Variants in CLIC5 observed in about 807,000 individuals in gnomAD.
The protein encoded by CLIC5 is chloride intracellular channel protein 5.
A neutral mutation model predicts 24.7 loss-of-function variants in CLIC5; 20 were observed. That is an observed-to-expected ratio of 0.81 (90% CI 0.57 to 1.18). CLIC5 has a LOEUF of 1.18. CLIC5 is among the 50% of genes most tolerant of loss of function. CLIC5 has a pLI of 0.00. For synonymous variants in CLIC5, 159 were observed against 135.6 expected, an observed-to-expected ratio of 1.17 and a Z score of -1.20; for missense variants, 341 against 326.1, an observed-to-expected ratio of 1.05 and a Z score of -0.35.
At chr6:46,066,686 G>C (rs1263829762) in intron 1 of CLIC5, among the ~76,000 whole-genome samples, 5 of 152,174 alleles carry the variant, frequency 3.3e-5, no homozygotes, top group African/African-American at 4.8e-5. Context: ...TCTTGTAATA[G>C]ACTGGGGGAG....
chr6:45,893,134 C>T (rs1471931951), intron 6 of CLIC5, among the ~76,000 whole-genome samples: 1 of 151,766 alleles, frequency 6.6e-6, no homozygotes, highest in Non-Finnish European at 1.5e-5. Context: ...GCGAGAGTCT[C>T]ATGCTTTTTC....
chr6:46,020,508 T>C (rs1404104519), upstream of CLIC5, among the ~76,000 whole-genome samples: 1 of 151,964 alleles, frequency 6.6e-6, no homozygotes, highest in Non-Finnish European at 1.5e-5. Flanking sequence ...GCTTCCATTT[T>C]ATGGAACTAG....
intron 1 of CLIC5, among the ~76,000 whole-genome samples, chr6:46,006,913 C>A (rs1055497883): frequency 2.8e-4 from 42 of 152,046 alleles, no homozygotes; most frequent in African/African-American, 9.4e-4. Context: ...CTGACATGAT[C>A]CCCCTGCCTC....
At chr6:46,021,028 A>C (rs2127449915) in intron 1 of CLIC5, among the ~76,000 whole-genome samples, 1 of 151,024 alleles carries the variant, frequency 6.6e-6, no homozygotes, top group African/African-American at 2.4e-5. Flanking sequence ...CTCTTCCAGT[A>C]ATGAGAAGAG....
chr6:45,906,666 G>A (rs1276398136), intron 5 of CLIC5, among the ~76,000 whole-genome samples: 4 of 151,734 alleles, frequency 2.6e-5, no homozygotes, highest in African/African-American at 7.3e-5. Flanking sequence ...GGATTCAAGC[G>A]ATTCTCCTGC....
chr6:46,110,119 C>T, the CLIC5 span, among the ~76,000 whole-genome samples: 125 of 152,282 alleles, frequency 8.2e-4, no homozygotes, highest in African/African-American at 2.6e-3. Context: ...ACCTGCTCTC[C>T]GTTACCTCAA....
At chr6:46,083,730 G>C (rs1762972071), upstream of CLIC5, among the ~76,000 whole-genome samples, 1 of 152,092 alleles carries the variant, frequency 6.6e-6, no homozygotes. Flanking sequence ...GTGGTGTGGT[G>C]CTGAAAAAAA....
chr6:45,895,608 A>T (rs1228476216), downstream of CLIC5, among the ~76,000 whole-genome samples: 1 of 152,222 alleles, frequency 6.6e-6, no homozygotes, highest in African/African-American at 2.4e-5. Flanking sequence ...ATAGTGTCTC[A>T]TGATCTCTCC....
intron 1 of CLIC5, among the ~76,000 whole-genome samples, chr6:45,996,018 G>A (rs1766123964): frequency 6.6e-6 from 1 of 151,792 alleles, no homozygotes; most frequent in African/African-American, 2.4e-5. Flanking sequence ...AATGCATGCT[G>A]GGCTTCATAC....
chr6:45,985,763 T>G (rs1765714039), intron 1 of CLIC5, among the ~76,000 whole-genome samples: 1 of 152,148 alleles, frequency 6.6e-6, no homozygotes, highest in African/African-American at 2.4e-5. Flanking sequence ...TGACTCTTTT[T>G]GGGTAAAGGG....
chr6:46,048,562 C>A (rs1454184564), intron 1 of CLIC5, among the ~76,000 whole-genome samples: 1 of 152,062 alleles, frequency 6.6e-6, no homozygotes, highest in Non-Finnish European at 1.5e-5. Context: ...TCTCAAAACT[C>A]ACCTTGGCTG....
chr6:46,068,351 C>G (rs973092897), intron 1 of CLIC5, among the ~76,000 whole-genome samples: 25 of 152,146 alleles, frequency 1.6e-4, no homozygotes, highest in African/African-American at 5.5e-4. Flanking sequence ...GACTACCACT[C>G]TTACTACTGC....
rs545808826 is a variant in CLIC5, at chr6:46,070,095, G to A, written c.540+9608C>T. On this transcript the variant is annotated intron_variant, in intron 1 of 5. Transcript: ENST00000185206. Reference sequence around the variant, plus strand: ...CCTCAAAATAATAAGAGCCATCTGTGACAAGGCAAGATCCAACATCATACT... The same window carrying A: ...CCTCAAAATAATAAGAGCCATCTGTAACAAGGCAAGATCCAACATCATACT... 4.6e-5 allele frequency among the ~76,000 whole-genome samples: 7 copies of A among 152,272 alleles called. No homozygotes were observed. In the South Asian group the frequency reaches 8.3e-4, roughly 18 times the overall value.
intron 6 of CLIC5, among the ~76,000 whole-genome samples, chr6:45,891,800 T>G (rs1031489959): frequency 6.6e-6 from 1 of 152,168 alleles, no homozygotes; most frequent in Admixed American, 6.5e-5. Flanking sequence ...TGCAATGACT[T>G]TTGAATTGCA....
At chr6:45,892,725 G>A (rs1035532452) in intron 6 of CLIC5, among the ~76,000 whole-genome samples, 3 of 152,168 alleles carry the variant, frequency 2.0e-5, no homozygotes, top group African/African-American at 7.2e-5. Context: ...TTTCAAAATA[G>A]TGAATTAAAA....
At chr6:46,082,773 G>A (rs1254916418), upstream of CLIC5, among the ~76,000 whole-genome samples, 1 of 151,516 alleles carries the variant, frequency 6.6e-6, no homozygotes, top group Non-Finnish European at 1.5e-5. Flanking sequence ...CTTAATCCCT[G>A]TTCCATTACT....
At chr6:45,936,426 A>G (rs542143024) in intron 4 of CLIC5, among the ~76,000 whole-genome samples, 16 of 152,002 alleles carry the variant, frequency 1.1e-4, no homozygotes, top group Non-Finnish European at 5.9e-5. Context: ...GCTGGTCTCG[A>G]ACTCCCAACC....
At chr6:45,956,206 T>C (rs1764636196) in intron 1 of CLIC5, among the ~76,000 whole-genome samples, 1 of 152,306 alleles carries the variant, frequency 6.6e-6, no homozygotes, top group Admixed American at 6.5e-5. Context: ...AGCAAACCTA[T>C]GAACAAACAA....
At chr6:46,069,159 A>T (rs886226227) in intron 1 of CLIC5, among the ~76,000 whole-genome samples, 1 of 152,148 alleles carries the variant, frequency 6.6e-6, no homozygotes, top group Admixed American at 6.6e-5. Context: ...TTTAAGACAC[A>T]GGGTGAATGA....
Sources: allele counts gnomAD v4.1 joint callset (sites outside exome capture counted in the v4.1 genomes callset), GRCh38; gene constraint gnomAD v4.1.1; transcripts MANE v1.5; gene names NCBI Gene and HGNC (gene_info 2026-07-23, HGNC 2026-07-21).